NEDD4L: variants seen among roughly 807,000 people sequenced by gnomAD.
NEDD4L encodes the protein NEDD4 like E3 ubiquitin protein ligase, also known as E3 ubiquitin-protein ligase NEDD4-like.
NEDD4L carries 54 observed loss-of-function variants against 148.9 expected under a neutral mutation model. That is an observed-to-expected ratio of 0.36 (90% confidence interval 0.29 to 0.45). The LOEUF is 0.45. NEDD4L is among the 20% of genes least tolerant of loss of function. The pLI, the probability that NEDD4L is intolerant of heterozygous loss-of-function variation, is 1.00. For synonymous variants in NEDD4L, 433 were observed against 440.7 expected (o/e 0.98, Z 0.22); for missense variants, 856 against 1,233.8 (o/e 0.69, Z 4.59).
At chr18:58,058,848 G>A (rs910346174) in intron 1 of NEDD4L, among the ~76,000 whole-genome samples, 6 of 152,116 alleles carry the variant, frequency 3.9e-5, no homozygotes, top group African/African-American at 1.4e-4. Flanking sequence ...AGCAATGAAG[G>A]ATTGTTGGTT....
At chr18:58,294,647 A>G (rs1004525981) in intron 5 of NEDD4L, among the ~76,000 whole-genome samples, 2 of 151,882 alleles carry the variant, frequency 1.3e-5, no homozygotes, top group African/African-American at 4.8e-5. Flanking sequence ...TCATAGGTAA[A>G]AGGAGTTGAA....
chr18:58,101,092 C>T (rs1168342288), intron 1 of NEDD4L, among the ~76,000 whole-genome samples: 1 of 152,204 alleles, frequency 6.6e-6, no homozygotes, highest in Admixed American at 6.5e-5. Flanking sequence ...AGGTGTGAGC[C>T]ACCGTGCCTG....
chr18:58,316,072 G>A lies in NEDD4L; in HGVS notation c.348+40G>A, dbSNP rs201646504. 18 of 1,529,502 alleles carry A rather than the reference G, an allele frequency of 1.2e-5. No individual in the cohort carries two copies. In the East Asian group the frequency reaches 2.5e-4, roughly 21 times the overall value. 94.7% of individuals were successfully genotyped at this position (1,529,502 alleles called of 1,614,324 possible). Reference sequence around the variant, plus strand: ...ATGTTTGATGCTTCGTGCTGGGGGCGGGGGTTTCTAATTGTTTGTAGTCAG... The same window carrying A: ...ATGTTTGATGCTTCGTGCTGGGGGCAGGGGTTTCTAATTGTTTGTAGTCAG... On this transcript the variant is annotated intron_variant, in intron 6 of 30. Transcript: ENST00000400345.
chr18:58,315,805 G>C (rs189099489), intron 5 of NEDD4L, among the ~76,000 whole-genome samples, 177 bp from the exon 6 acceptor site: 4 of 152,284 alleles, frequency 2.6e-5, no homozygotes, highest in Admixed American at 2.6e-4. Flanking sequence ...CAGTCCAGGC[G>C]CACGGGCTCC....
intron 6 of NEDD4L, among the ~76,000 whole-genome samples, chr18:58,318,976 G>A (rs913579522): frequency 6.6e-6 from 1 of 152,228 alleles, no homozygotes; most frequent in South Asian, 2.1e-4. Flanking sequence ...AATTTTCCTA[G>A]ATGAGGCATT....
intron 5 of NEDD4L, 69 bp downstream of exon 5, chr18:58,252,123 T>A: frequency 1.0e-6 from 1 of 984,802 alleles, no homozygotes; most frequent in Non-Finnish European, 1.6e-6. Flanking sequence ...GCAGCGTCTT[T>A]AAAACTCTGT....
At chr18:58,336,045 G>A (rs1396808887) in intron 13 of NEDD4L, 1 of 153,246 alleles carries the variant, frequency 6.5e-6, no homozygotes, top group Non-Finnish European at 1.5e-5. Flanking sequence ...CTGCCACCAG[G>A]GGCTCTCCTC....
intron 20 of NEDD4L, 21 bp downstream of exon 20, chr18:58,364,354 A>G (rs2045862995): frequency 6.6e-7 from 1 of 1,504,916 alleles, no homozygotes; most frequent in Non-Finnish European, 9.0e-7. Context: ...ATGCCTTCCA[A>G]AAATGCTTTG....
At chr18:58,330,669 T>G (rs1033138701) in intron 10 of NEDD4L, 69 bp from the exon 11 acceptor site, 2 of 1,277,264 alleles carry the variant, frequency 1.6e-6, no homozygotes. Context: ...TGTTACATGG[T>G]TTCATTGGGG....
Position 58,389,015 on chromosome 18 carries a change from G to C in NEDD4L, c.2548-70G>C, listed in dbSNP as rs2049430250. 4.2e-6 allele frequency: 5 copies of C among 1,204,506 alleles called. No homozygotes were observed. In the Admixed American group the frequency reaches 9.2e-5, roughly 22 times the overall value. 74.6% of individuals were successfully genotyped at this position (1,204,506 alleles called of 1,614,324 possible). ...GTGACCACATGCTGGCACTGAGGGT[G>C]GTCATTTCTCAGTGTGTGATCTCGC... On this transcript the variant is annotated intron_variant, in intron 27 of 30. Coordinates refer to ENST00000400345, the MANE Select transcript of NEDD4L (RefSeq NM_001144967.3).
intron 30 of NEDD4L, among the ~76,000 whole-genome samples, chr18:58,395,241 C>T (rs1007253359): frequency 1.3e-5 from 2 of 151,844 alleles, no homozygotes; most frequent in African/African-American, 2.4e-5. Context: ...CCAACACATA[C>T]ACACACACAC....
intron 1 of NEDD4L, chr18:58,149,478 C>T (rs1381674387): frequency 6.5e-7 from 1 of 1,550,224 alleles, no homozygotes; most frequent in African/African-American, 1.4e-5. Flanking sequence ...CTTGCTCTGC[C>T]CTTGAGTTTT....
chr18:58,144,455 C>G (rs183388770), intron 1 of NEDD4L, among the ~76,000 whole-genome samples: 54 of 152,150 alleles, frequency 3.5e-4, no homozygotes, highest in Non-Finnish European at 6.6e-4. Context: ...CCCCCATGAC[C>G]CAAACACTTC....
intron 2 of NEDD4L, among the ~76,000 whole-genome samples, chr18:58,234,058 TTTCTTTC>T (rs1177381775): frequency 4.9e-5 from 4 of 81,334 alleles, no homozygotes; most frequent in African/African-American, 2.1e-4. Flanking sequence ...TCTTTCTTTC[TTTCTTTC>T]TTTCTTTCTT....
At chr18:58,156,635 G>A (rs966847212) in intron 1 of NEDD4L, among the ~76,000 whole-genome samples, 4 of 152,080 alleles carry the variant, frequency 2.6e-5, no homozygotes, top group African/African-American at 7.2e-5. Flanking sequence ...GGCAGCCTAC[G>A]AGTCTTTGGT....
rs149552956 is a variant in NEDD4L, at chr18:58,179,788, C to T, written c.122+13927C>T. Reference sequence around the variant, plus strand: ...GTTGCAGGAAAACAAGCTCGGGGCTCCTACTGATTCTATATTATGAAGAGT... The same window carrying T: ...GTTGCAGGAAAACAAGCTCGGGGCTTCTACTGATTCTATATTATGAAGAGT... On this transcript the variant is annotated intron_variant, in intron 2 of 30. Transcript: ENST00000400345. Among the ~76,000 whole-genome samples the T allele has an allele frequency of 7.2e-5, 11 of 152,028 alleles. No individual in the cohort carries two copies. In the East Asian group the frequency reaches 1.9e-3, roughly 27 times the overall value.
At chr18:58,265,398 T>G (rs770396380) in intron 5 of NEDD4L, among the ~76,000 whole-genome samples, 9 of 151,972 alleles carry the variant, frequency 5.9e-5, no homozygotes, top group Admixed American at 3.3e-4. Flanking sequence ...ACAAAGCTGC[T>G]CTCTGAACAC....
intron 2 of NEDD4L, among the ~76,000 whole-genome samples, chr18:58,214,024 T>G (rs568350106): frequency 2.6e-5 from 4 of 152,218 alleles, no homozygotes; most frequent in Non-Finnish European, 5.9e-5. Context: ...CTTTCAGATG[T>G]GGCTCCTGCA....
intron 5 of NEDD4L, among the ~76,000 whole-genome samples, chr18:58,281,427 C>G (rs1366374874): frequency 1.3e-5 from 2 of 151,962 alleles, no homozygotes; most frequent in Admixed American, 1.3e-4. Flanking sequence ...AAGTGGGTGG[C>G]CTTTTGTTAT....
Sources: allele counts gnomAD v4.1 joint callset (sites outside exome capture counted in the v4.1 genomes callset), GRCh38; gene constraint gnomAD v4.1.1; transcripts MANE v1.5; gene names NCBI Gene and HGNC (gene_info 2026-07-23, HGNC 2026-07-21).